Variants in TNPO1 observed in about 807,000 individuals in gnomAD.
TNPO1 encodes the protein transportin 1.
In TNPO1, 8 loss-of-function variants were observed where a neutral mutation model predicts 119.5. The ratio of observed to expected loss-of-function variants is 0.07; its 90% CI spans 0.04 to 0.12. The LOEUF is 0.12. Ranked by LOEUF, TNPO1 falls within the 10% of genes least tolerant of loss-of-function variation. The pLI is 1.00. For synonymous variants in TNPO1, 362 were observed against 363.0 expected, an observed-to-expected ratio of 1.00 and a Z score of 0.03; for missense variants, 576 against 1,089.8, an observed-to-expected ratio of 0.53 and a Z score of 6.64.
At chr5:72,890,816 T>G (rs1186678739) in intron 14 of TNPO1, among the ~76,000 whole-genome samples, 3 of 152,178 alleles carry the variant, frequency 2.0e-5, no homozygotes, top group Non-Finnish European at 4.4e-5. Context: ...ATGTACTATA[T>G]AGTAACAGCC....
chr5:72,867,268 A>T (rs2112341265), intron 6 of TNPO1, among the ~76,000 whole-genome samples: 1 of 152,336 alleles, frequency 6.6e-6, no homozygotes, highest in Non-Finnish European at 1.5e-5. Flanking sequence ...ATATTTGGGT[A>T]ATAACTATCT....
chr5:72,908,184 A>G (rs1408229563), intron 24 of TNPO1, among the ~76,000 whole-genome samples: 2 of 152,184 alleles, frequency 1.3e-5, no homozygotes, highest in East Asian at 1.9e-4. Flanking sequence ...TTCTAGGCTT[A>G]AAATACCAGA....
At chr5:72,872,260 A>G (rs1225259668) in intron 6 of TNPO1, among the ~76,000 whole-genome samples, 1 of 152,226 alleles carries the variant, frequency 6.6e-6, no homozygotes, top group East Asian at 1.9e-4. Context: ...CATATGCCAG[A>G]ACACATGGAC....
At chr5:72,907,743 C>T (rs1225996332) in intron 24 of TNPO1, among the ~76,000 whole-genome samples, 2 of 152,090 alleles carry the variant, frequency 1.3e-5, no homozygotes, top group African/African-American at 4.8e-5. Flanking sequence ...TAATTAGGAA[C>T]ATCAAGAAGG....
intron 3 of TNPO1, among the ~76,000 whole-genome samples, chr5:72,855,131 G>A (rs1745882966): frequency 6.6e-6 from 1 of 152,018 alleles, no homozygotes; most frequent in South Asian, 2.1e-4. Flanking sequence ...AAGCAGCTTG[G>A]ATTAAAGGCA....
chr5:72,909,048 C>A lies in TNPO1; in HGVS notation c.*375C>A. On this transcript the variant is annotated 3_prime_UTR_variant, in exon 25 of 25. Transcript: ENST00000337273. Reference sequence around the variant, plus strand: ...GAACCATATAAATGATGCCTAGGGACAAGAAAGAGGAACAATTCTATAGCG... The same window carrying A: ...GAACCATATAAATGATGCCTAGGGAAAAGAAAGAGGAACAATTCTATAGCG... 1 of 234,808 alleles carries A rather than the reference C, an allele frequency of 4.3e-6. No homozygotes were observed. The highest frequency in any genetic ancestry group is 8.8e-6 in the Non-Finnish European group (1 of 113,792). The allele number at this position is 234,808 out of a possible 1,614,324, so 14.5% of individuals were successfully genotyped here.
chr5:72,908,325 A>G (rs1018041719), intron 24 of TNPO1, among the ~76,000 whole-genome samples: 1 of 152,180 alleles, frequency 6.6e-6, no homozygotes, highest in Non-Finnish European at 1.5e-5. Context: ...GTGCTACTTT[A>G]TTTTTAAGAA....
intron 2 of TNPO1, among the ~76,000 whole-genome samples, chr5:72,849,062 A>T (rs1255563924): frequency 6.6e-6 from 1 of 151,896 alleles, no homozygotes. Context: ...AAGGCTGGGG[A>T]CCTACAGGTG....
chr5:72,847,185 GA>G (rs1745168472), intron 1 of TNPO1, among the ~76,000 whole-genome samples: 1 of 151,968 alleles, frequency 6.6e-6, no homozygotes, highest in South Asian at 2.1e-4. Context: ...TAAAAAGAAA[GA>G]AAAAGCTAAC....
At chr5:72,881,423 A>G (rs1001117718) in intron 9 of TNPO1, among the ~76,000 whole-genome samples, 10 of 152,324 alleles carry the variant, frequency 6.6e-5, no homozygotes, top group African/African-American at 2.4e-4. Flanking sequence ...CGAATAAACC[A>G]TACTAACCCA....
chr5:72,819,538 A>T (rs1743851596), intron 1 of TNPO1, among the ~76,000 whole-genome samples: 2 of 152,156 alleles, frequency 1.3e-5, no homozygotes, highest in Non-Finnish European at 2.9e-5. Flanking sequence ...TTTGTCCTGG[A>T]ATTTTCTGGA....
intron 1 of TNPO1, among the ~76,000 whole-genome samples, chr5:72,832,552 G>A (rs574020664): frequency 3.3e-5 from 5 of 152,300 alleles, no homozygotes; most frequent in East Asian, 3.9e-4. Flanking sequence ...AAGAGATGTT[G>A]TAGGTCCTTT....
At chr5:72,868,022 T>G (rs997941214) in intron 6 of TNPO1, among the ~76,000 whole-genome samples, 6 of 152,238 alleles carry the variant, frequency 3.9e-5, no homozygotes, top group African/African-American at 1.4e-4. Context: ...CTAGGTTATT[T>G]GTACTCCATT....
At chr5:72,872,579 T>G in intron 6 of TNPO1, 60 bp from the exon 7 acceptor site, 1 of 1,236,520 alleles carries the variant, frequency 8.1e-7, no homozygotes. Flanking sequence ...TTTTACCAAT[T>G]TTCTATAGAT....
intron 1 of TNPO1, among the ~76,000 whole-genome samples, chr5:72,843,574 A>G (rs1745004570): frequency 6.6e-6 from 1 of 150,590 alleles, no homozygotes; most frequent in African/African-American, 2.5e-5. Context: ...AGCCTGGGTG[A>G]CAGAGCAAGA....
intron 9 of TNPO1, among the ~76,000 whole-genome samples, chr5:72,879,846 A>G (rs1748097742): frequency 1.3e-5 from 2 of 152,210 alleles, no homozygotes; most frequent in African/African-American, 4.8e-5. Context: ...ATAGGAATTA[A>G]AATTGTGTGT....
At position 72,861,908 on chromosome 5, in the gene TNPO1, C is replaced by T. The variant is rs750377984; in HGVS notation, c.456C>T (p.Thr152=). 6 of 1,606,574 alleles carry T rather than the reference C, an allele frequency of 3.7e-6. No individual in the cohort carries two copies. The highest frequency in any genetic ancestry group is 3.4e-6 in the Non-Finnish European group (4 of 1,173,378). The change falls in exon 5 of 25, where the codon ACC becomes ACT. Residue 152 remains threonine (T), a synonymous_variant. Coordinates refer to ENST00000337273, the MANE Select transcript of TNPO1 (RefSeq NM_002270.4). Reference sequence around the variant, plus strand: ...TGTTGGATTCTGAAGATTATAATACCTGTGAGGTAAGGATATTTGTTTCAT... The same window carrying T: ...TGTTGGATTCTGAAGATTATAATACTTGTGAGGTAAGGATATTTGTTTCAT... ...CSLLDSEDYN[T]CEGAFGALQK...
intron 7 of TNPO1, among the ~76,000 whole-genome samples, chr5:72,873,267 A>G (rs1480612922): frequency 6.6e-6 from 1 of 152,102 alleles, no homozygotes; most frequent in Admixed American, 6.5e-5. Context: ...AAGCACCACA[A>G]TTTCTTCTCA....
intron 6 of TNPO1, among the ~76,000 whole-genome samples, chr5:72,866,375 A>G (rs985997581): frequency 2.0e-5 from 3 of 152,214 alleles, no homozygotes; most frequent in Non-Finnish European, 4.4e-5. Flanking sequence ...TCACGTTTCC[A>G]GGAAGTTTCC....
Sources: gnomAD v4.1 joint callset for allele counts (sites outside exome capture counted in the v4.1 genomes callset) on GRCh38, gnomAD v4.1.1 for gene constraint, MANE v1.5 for transcripts, NCBI Gene and HGNC (gene_info 2026-07-23, HGNC 2026-07-21) for gene names.